Variants in ASB18 observed in about 807,000 individuals in gnomAD.
ASB18 encodes the protein ankyrin repeat and SOCS box protein 18.
Under a neutral mutation model 33.4 loss-of-function variants are expected in ASB18, and 33 were observed. The ratio of observed to expected loss-of-function variants is 0.99; its 90% confidence interval spans 0.75 to 1.32. The LOEUF (loss-of-function observed/expected upper bound fraction) is 1.32, where lower values mean the gene tolerates loss of function less well. Ranked by LOEUF, ASB18 falls within the 40% of genes most tolerant of loss-of-function variation. The pLI is 0.00. For synonymous variants in ASB18, 295 were observed against 307.6 expected (o/e 0.96, Z 0.43); for missense variants, 694 against 655.5 (o/e 1.06, Z -0.64).
chr2:236,253,584 C>G lies in ASB18; in HGVS notation c.205+10557G>C, dbSNP rs1444764631. On this transcript the variant is annotated intron_variant, in intron 1 of 5. Coordinates refer to ENST00000409749, the MANE Select transcript of ASB18 (RefSeq NM_212556.4). This position sits in a 1 kb window ranked among gnomAD's most constrained non-coding sequence, Gnocchi z 5.4. Reference sequence around the variant, plus strand: ...ATTATTGTGGTGGGAGATGGGGTCTCACTGTGTTGCCCAGGCTGGTCTCTA... The same window carrying G: ...ATTATTGTGGTGGGAGATGGGGTCTGACTGTGTTGCCCAGGCTGGTCTCTA... Among the ~76,000 whole-genome samples the G allele has an allele frequency of 2.0e-5, 3 of 151,692 alleles. No homozygotes were observed. The highest frequency in any genetic ancestry group is 7.3e-5 in the African/African-American group (3 of 41,258).
At position 236,213,273 on chromosome 2, in the gene ASB18, C is replaced by T. The variant is rs1026309872; in HGVS notation, c.1101+1089G>A. On this transcript the variant is annotated intron_variant, in intron 4 of 5. Coordinates refer to ENST00000409749, the MANE Select transcript of ASB18 (RefSeq NM_212556.4). This position sits in a 1 kb window ranked among gnomAD's most constrained non-coding sequence, Gnocchi z 4.8. ...TGAGCAAACACTAGGGGAGTTGTCTCGGGGGATTTTCTAACCTTTCAGAGG... is the reference window on the plus strand; with the variant it reads ...TGAGCAAACACTAGGGGAGTTGTCTTGGGGGATTTTCTAACCTTTCAGAGG... 1.3e-5 allele frequency among the ~76,000 whole-genome samples: 2 copies of T among 151,852 alleles called. No homozygotes were observed. The highest frequency in any genetic ancestry group is 6.6e-5 in the Admixed American group (1 of 15,240).
intron 4 of ASB18, among the ~76,000 whole-genome samples, chr2:236,207,819 C>CTT (rs36109128): frequency 7.4e-6 from 1 of 135,160 alleles, no homozygotes. Flanking sequence ...GCCTGGCTGA[C>CTT]TTTTTTTTTT....
rs1048542584 is a variant in ASB18, at chr2:236,239,950, G to T, written c.328+1330C>A. On this transcript the variant is annotated intron_variant, in intron 2 of 5. Coordinates refer to ENST00000409749, the MANE Select transcript of ASB18 (RefSeq NM_212556.4). The surrounding 1 kb of genome is among the most constrained non-coding windows in gnomAD (Gnocchi z 5.6). ...GGCCTTGGGCCACTACTCACTGTCCGGGCTGCCGTTTCCTCAGTACCAGCC... is the reference window on the plus strand; with the variant it reads ...GGCCTTGGGCCACTACTCACTGTCCTGGCTGCCGTTTCCTCAGTACCAGCC... 1.3e-5 allele frequency among the ~76,000 whole-genome samples: 2 copies of T among 152,172 alleles called. No individual in the cohort carries two copies. Among genetic ancestry groups the T allele is most frequent in the African/African-American group, 4.8e-5 (2 of 41,432 alleles).
At position 236,214,279 on chromosome 2, in the gene ASB18, G is replaced by C. The variant is rs969756234; in HGVS notation, c.1101+83C>G. On this transcript the variant is annotated intron_variant, in intron 4 of 5. Transcript: ENST00000409749. The surrounding 1 kb of genome is among the most constrained non-coding windows in gnomAD (Gnocchi z 6.5). ...GCCTGGGCCATTACACTTTGAGAGC[G>C]CCGCATGCAACCCAGCTCCCAGGCC... The C allele has an allele frequency of 1.4e-5, 20 of 1,403,102 alleles. No homozygotes were observed. The highest frequency in any genetic ancestry group is 1.8e-5 in the Non-Finnish European group (19 of 1,047,210). 86.9% of individuals were successfully genotyped at this position (1,403,102 alleles called of 1,614,324 possible).
chr2:236,214,277 G>T lies in ASB18; in HGVS notation c.1101+85C>A. 2 of 1,394,340 alleles carry T rather than the reference G, an allele frequency of 1.4e-6. No homozygotes were observed. Among genetic ancestry groups the T allele is most frequent in the Non-Finnish European group, 1.9e-6 (2 of 1,040,594 alleles). The allele number at this position is 1,394,340 out of a possible 1,614,324, so 86.4% of individuals were successfully genotyped here. A position where few individuals can be genotyped will look rare whatever the true frequency, so the allele number is the denominator to read the frequency against. On this transcript the variant is annotated intron_variant, in intron 4 of 5. Transcript: ENST00000409749. This position sits in a 1 kb window ranked among gnomAD's most constrained non-coding sequence, Gnocchi z 6.5. ...GTGCCTGGGCCATTACACTTTGAGA[G>T]CGCCGCATGCAACCCAGCTCCCAGG...
rs1233184012 is a variant in ASB18 at position 236,241,364 on chromosome 2, A to G, written c.244T>C (p.Phe82Leu). 3 of 1,613,990 alleles carry G rather than the reference A, an allele frequency of 1.9e-6. No homozygotes were observed. The highest frequency in any genetic ancestry group is 2.5e-6 in the Non-Finnish European group (3 of 1,179,872). The part of the protein sequence containing the change: ...DHLKPLMDQF[F>L]QDANVVFEIN... ...TCAAACACCACGTTGGCATCCTGGA[A>G]GAACTGGTCCATGAGGGGCTTCAGA... The change falls in exon 2 of 6, where the codon TTC (phenylalanine) becomes CTC (leucine). Residue 82 changes from phenylalanine (F) to leucine (L), a missense_variant. Physicochemically the swap from Phe to Leu is conservative, Grantham distance 22 (BLOSUM62 0). Transcript: ENST00000409749. This position sits in a 1 kb window ranked among gnomAD's most constrained non-coding sequence, Gnocchi z 4.2.
At position 236,221,436 on chromosome 2, in the gene ASB18, C is replaced by T. The variant is rs1187038028; in HGVS notation, c.597-6570G>A. 6.6e-6 allele frequency among the ~76,000 whole-genome samples: 1 copy of T among 152,080 alleles called. No homozygotes were observed. The highest frequency in any genetic ancestry group is 1.5e-5 in the Non-Finnish European group (1 of 68,022). On this transcript the variant is annotated intron_variant, in intron 3 of 5. Coordinates refer to ENST00000409749, the MANE Select transcript of ASB18 (RefSeq NM_212556.4). The surrounding 1 kb of genome is among the most constrained non-coding windows in gnomAD (Gnocchi z 5.6). ...ATTCCCATGTGTTGTGGGAGGGACCCGGTGGGAGATAATTGAATCATGGGG... is the reference window on the plus strand; with the variant it reads ...ATTCCCATGTGTTGTGGGAGGGACCTGGTGGGAGATAATTGAATCATGGGG...
intron 3 of ASB18, among the ~76,000 whole-genome samples, chr2:236,233,356 C>T (rs868161367): frequency 1.3e-5 from 2 of 152,042 alleles, no homozygotes; most frequent in Middle Eastern, 3.4e-3. Flanking sequence ...TTAATGTTTT[C>T]CTTAGGATCA....
rs1331028108 is a variant in ASB18, at chr2:236,200,190, T to C, written c.1102-3805A>G. On this transcript the variant is annotated intron_variant, in intron 4 of 5. Transcript: ENST00000409749. The surrounding 1 kb of genome is among the most constrained non-coding windows in gnomAD (Gnocchi z 4.2). ...GGTGAAGCTCCATCTCTACTAAAAATACAACAAAATTAGCCAGGCATGGTG... is the reference window on the plus strand; with the variant it reads ...GGTGAAGCTCCATCTCTACTAAAAACACAACAAAATTAGCCAGGCATGGTG... 6.6e-6 allele frequency among the ~76,000 whole-genome samples: 1 copy of C among 151,976 alleles called. No individual in the cohort carries two copies. Among genetic ancestry groups the C allele is most frequent in the Non-Finnish European group, 1.5e-5 (1 of 68,014 alleles).
rs904527933 is a variant in ASB18, at chr2:236,221,314, G to C, written c.597-6448C>G. 6.6e-6 allele frequency among the ~76,000 whole-genome samples: 1 copy of C among 152,200 alleles called. No homozygotes were observed. The highest frequency in any genetic ancestry group is 1.5e-5 in the Non-Finnish European group (1 of 68,034). On this transcript the variant is annotated intron_variant, in intron 3 of 5. Transcript: ENST00000409749. The surrounding 1 kb of genome is among the most constrained non-coding windows in gnomAD (Gnocchi z 5.6). ...CACCTTTTGTGTGTGAGTGGGGAAA[G>C]GGACATTGCTTCTGAACATTTTGTT... is the stretch of plus-strand genomic sequence containing the variant.
In ASB18 at chr2:236,196,100, T is replaced by G; in HGVS notation, c.1215+172A>C. On this transcript the variant is annotated intron_variant, in intron 5 of 5. Coordinates refer to ENST00000409749, the MANE Select transcript of ASB18 (RefSeq NM_212556.4). The surrounding 1 kb of genome is among the most constrained non-coding windows in gnomAD (Gnocchi z 5.6). The stretch of plus-strand genomic sequence containing the variant: ...CTATAACAAGCTCCTGGCTGTGTGA[T>G]TATGGAGCCTCCAGAAAAAACCAGA... 1 of 647,608 alleles carries G rather than the reference T, an allele frequency of 1.5e-6. No individual in the cohort carries two copies. Among genetic ancestry groups the G allele is most frequent in the Non-Finnish European group, 2.9e-6 (1 of 348,172 alleles). The allele number at this position is 647,608 out of a possible 1,614,324, so 40.1% of individuals were successfully genotyped here. A position where few individuals can be genotyped will look rare whatever the true frequency, so the allele number is the denominator to read the frequency against.
Position 236,260,954 on chromosome 2 carries a change from C to T in ASB18, c.205+3187G>A, listed in dbSNP as rs956852870. Among the ~76,000 whole-genome samples, 9 of 152,092 alleles carry T rather than the reference C, an allele frequency of 5.9e-5. No homozygotes were observed. The highest frequency in any genetic ancestry group is 1.0e-4 in the Non-Finnish European group (7 of 68,018). On this transcript the variant is annotated intron_variant, in intron 1 of 5. Transcript: ENST00000409749. This position sits in a 1 kb window ranked among gnomAD's most constrained non-coding sequence, Gnocchi z 5.1. The stretch of plus-strand genomic sequence containing the variant: ...AAGCACTAATCTAATCTCATACCCT[C>T]GTTAATAAATGGAGACGTTGGTCTC...
rs551884450 is a variant in ASB18, at chr2:236,193,782, C to A, written c.*1090G>T. Among the ~76,000 whole-genome samples the A allele has an allele frequency of 1.0e-3, 149 of 148,854 alleles. No individual in the cohort carries two copies. The highest frequency in any genetic ancestry group is 3.6e-3 in the Middle Eastern group (1 of 274). On this transcript the variant is annotated 3_prime_UTR_variant, in exon 6 of 6. Coordinates refer to ENST00000409749, the MANE Select transcript of ASB18 (RefSeq NM_212556.4). This position sits in a 1 kb window ranked among gnomAD's most constrained non-coding sequence, Gnocchi z 5.0. ...GTCTCAAAACAAACAAACAAACAAA[C>A]AAAAAAACAAAAAAGAAACAAGACT...
chr2:236,211,688 G>T lies in ASB18; in HGVS notation c.1101+2674C>A, dbSNP rs112344518. ...TTGATGTCGCACATGATTAGATGCC[G>T]TCCCTGGAGGAGCGATTGCAGGGAG... On this transcript the variant is annotated intron_variant, in intron 4 of 5. Transcript: ENST00000409749. The surrounding 1 kb of genome is among the most constrained non-coding windows in gnomAD (Gnocchi z 5.0). Among the ~76,000 whole-genome samples, 2 of 152,206 alleles carry T rather than the reference G, an allele frequency of 1.3e-5. No homozygotes were observed. The highest frequency in any genetic ancestry group is 4.8e-5 in the African/African-American group (2 of 41,456).
Position 236,245,170 on chromosome 2 carries a change from C to A in ASB18, c.206-3768G>T, listed in dbSNP as rs77588449. ...TTATTTTTTACCATGTTTATCTGAC[C>A]TCTGGGCAAAGGCTCAGCTCTGGGG... On this transcript the variant is annotated intron_variant, in intron 1 of 5. Coordinates refer to ENST00000409749, the MANE Select transcript of ASB18 (RefSeq NM_212556.4). The surrounding 1 kb of genome is among the most constrained non-coding windows in gnomAD (Gnocchi z 4.7). 0.014 allele frequency among the ~76,000 whole-genome samples: 2,190 copies of A among 152,322 alleles called. 26 individuals carry two copies. Among genetic ancestry groups the A allele is most frequent in the Non-Finnish European group, 0.022 (1,513 of 68,028 alleles).
At position 236,238,965 on chromosome 2, in the gene ASB18, C is replaced by T. The variant is rs188737961; in HGVS notation, c.329-1009G>A. On this transcript the variant is annotated intron_variant, in intron 2 of 5. Coordinates refer to ENST00000409749, the MANE Select transcript of ASB18 (RefSeq NM_212556.4). The surrounding 1 kb of genome is among the most constrained non-coding windows in gnomAD (Gnocchi z 5.2). Reference sequence around the variant, plus strand: ...CCCGCATGTGGTGCCGAGTTCCAGCCGCCCTGAGTCCCCAAGGCCCAGCCT... The same window carrying T: ...CCCGCATGTGGTGCCGAGTTCCAGCTGCCCTGAGTCCCCAAGGCCCAGCCT... Among the ~76,000 whole-genome samples the T allele has an allele frequency of 2.6e-5, 4 of 152,256 alleles. No homozygotes were observed. Among genetic ancestry groups the T allele is most frequent in the African/African-American group, 9.6e-5 (4 of 41,538 alleles).
In ASB18 at chr2:236,212,719, G is replaced by A. The variant is rs1420158028; in HGVS notation, c.1101+1643C>T. Among the ~76,000 whole-genome samples, 13 of 152,198 alleles carry A rather than the reference G, an allele frequency of 8.5e-5. 1 individual carries two copies. The highest frequency in any genetic ancestry group is 7.2e-4 in the Admixed American group (11 of 15,278). ...AGCTCACTGCAGCCTCCACATCCTG[G>A]GTTTAGGTAATCCTCCTGCCTCAGC... On this transcript the variant is annotated intron_variant, in intron 4 of 5. Coordinates refer to ENST00000409749, the MANE Select transcript of ASB18 (RefSeq NM_212556.4).
rs771218386 is a variant in ASB18, at chr2:236,194,751, C to G, written c.*121G>C. 4 of 861,322 alleles carry G rather than the reference C, an allele frequency of 4.6e-6. No individual in the cohort carries two copies. The East Asian group carries it at 8.5e-5, about 18-fold the overall frequency. The allele number at this position is 861,322 out of a possible 1,614,324, so 53.4% of individuals were successfully genotyped here. ...AAGGTCTGTGCTTCACCCGGTCCCA[C>G]GGAGAGCAAGTGGGAAGGGAACTCC... On this transcript the variant is annotated 3_prime_UTR_variant, in exon 6 of 6. Transcript: ENST00000409749. The surrounding 1 kb of genome is among the most constrained non-coding windows in gnomAD (Gnocchi z 4.5).
Position 236,200,215 on chromosome 2 carries a change from G to A in ASB18, c.1102-3830C>T, listed in dbSNP as rs1416225907. ...TACAACAAAATTAGCCAGGCATGGTGGTGCACATCTGTAGTCCCAGCTCCT... is the reference window on the plus strand; with the variant it reads ...TACAACAAAATTAGCCAGGCATGGTAGTGCACATCTGTAGTCCCAGCTCCT... On this transcript the variant is annotated intron_variant, in intron 4 of 5. Coordinates refer to ENST00000409749, the MANE Select transcript of ASB18 (RefSeq NM_212556.4). The surrounding 1 kb of genome is among the most constrained non-coding windows in gnomAD (Gnocchi z 4.2). Among the ~76,000 whole-genome samples the A allele has an allele frequency of 6.6e-6, 1 of 152,126 alleles. No homozygotes were observed. The highest frequency in any genetic ancestry group is 1.5e-5 in the Non-Finnish European group (1 of 68,028).
Sources: allele counts gnomAD v4.1 joint callset (sites outside exome capture counted in the v4.1 genomes callset), GRCh38; gene constraint gnomAD v4.1.1; non-coding constraint Gnocchi (gnomAD v3.1); transcripts MANE v1.5; gene names NCBI Gene and HGNC (gene_info 2026-07-23, HGNC 2026-07-21).